NEDD9: variants seen among roughly 807,000 people sequenced by gnomAD.
The protein encoded by NEDD9 is neural precursor cell expressed, developmentally down-regulated 9.
In NEDD9, 26 loss-of-function variants were observed where a neutral mutation model predicts 76.6. The ratio of observed to expected loss-of-function variants is 0.34; its 90% confidence interval spans 0.25 to 0.47. The LOEUF is 0.47. Among genes scored for constraint, NEDD9 ranks in the 20% least tolerant of loss-of-function variants. The pLI is 1.00. For synonymous variants in NEDD9, 392 were observed against 414.2 expected (o/e 0.95, Z 0.65); for missense variants, 937 against 1,058.5 (o/e 0.89, Z 1.59).
chr6:11,194,317 A>G (rs571888328), intron 2 of NEDD9, among the ~76,000 whole-genome samples: 1 of 152,332 alleles, frequency 6.6e-6, no homozygotes, highest in African/African-American at 2.4e-5. Context: ...CTTGTGTGTA[A>G]CTTATGAAAG....
At chr6:11,363,728 A>G (rs187750013) in intron 1 of NEDD9, among the ~76,000 whole-genome samples, 1 of 152,308 alleles carries the variant, frequency 6.6e-6, no homozygotes, top group East Asian at 1.9e-4. Flanking sequence ...ATGTGAATAG[A>G]TGCATGAACC....
intron 3 of NEDD9, chr6:11,304,936 C>G: frequency 2.0e-6 from 1 of 500,410 alleles, no homozygotes; most frequent in East Asian, 6.9e-5. Flanking sequence ...GCACATGTAC[C>G]CTAGAACTTA....
intron 3 of NEDD9, among the ~76,000 whole-genome samples, chr6:11,248,105 T>A (rs1759844690): frequency 6.6e-6 from 1 of 151,946 alleles, no homozygotes; most frequent in Non-Finnish European, 1.5e-5. Context: ...TTTTGGGATA[T>A]AGAGCTGAAA....
chr6:11,321,989 T>A (rs2113474063), intron 2 of NEDD9, among the ~76,000 whole-genome samples: 1 of 152,292 alleles, frequency 6.6e-6, no homozygotes, highest in South Asian at 2.1e-4. Context: ...TGGAATACTA[T>A]GTAGCCGTAA....
chr6:11,255,021 A>G (rs1377760575), intron 3 of NEDD9, among the ~76,000 whole-genome samples: 3 of 152,252 alleles, frequency 2.0e-5, no homozygotes, highest in Non-Finnish European at 4.4e-5. Context: ...GAAGACTAGC[A>G]TGTCTACAGC....
rs1473015439 is a variant in NEDD9, at chr6:11,188,233, C to T, written c.1980G>A (p.Gln660=). The part of the protein sequence containing the change: ...KENIMKQNKM[Q]LEHHQLSQFQ... ...TTGAACTTACCTGATGATGTTCCAG[C>T]TGCATCTTGTTCTGTTTCATGATAT... The change falls in exon 6 of 7, where the codon CAG becomes CAA. Residue 660 remains glutamine, a synonymous_variant. Coordinates refer to ENST00000379446, the MANE Select transcript of NEDD9 (RefSeq NM_006403.4). 1.2e-5 allele frequency: 19 copies of T among 1,613,992 alleles called. No individual in the cohort carries two copies. The South Asian group carries it at 2.0e-4, about 17-fold the overall frequency.
intron 1 of NEDD9, among the ~76,000 whole-genome samples, chr6:11,232,055 C>T (rs1759483303): frequency 6.6e-6 from 1 of 152,134 alleles, no homozygotes; most frequent in Non-Finnish European, 1.5e-5. Flanking sequence ...ACGATTAAAG[C>T]AAAGTCTGGA....
rs115145612 is a variant in NEDD9 at position 11,334,935 on chromosome 6, G to T, written c.-213-374C>A. Among the ~76,000 whole-genome samples, 392 of 152,346 alleles carry T rather than the reference G, an allele frequency of 2.6e-3. 2 individuals are homozygous for T. Among genetic ancestry groups the T allele is most frequent in the African/African-American group, 8.9e-3 (370 of 41,580 alleles). ...AGAGGACGAGAGCCTTAAAGATGAGGAGTGTGGCGGCCAGCTGTTGGAAGT... is the reference window on the plus strand; with the variant it reads ...AGAGGACGAGAGCCTTAAAGATGAGTAGTGTGGCGGCCAGCTGTTGGAAGT... On this transcript the variant is annotated intron_variant, in intron 1 of 3. Coordinates refer to the NEDD9 transcript ENST00000397378.
chr6:11,371,992 T>G (rs1392810148), intron 1 of NEDD9, among the ~76,000 whole-genome samples: 1 of 152,208 alleles, frequency 6.6e-6, no homozygotes, highest in Non-Finnish European at 1.5e-5. Context: ...ACAATCCAAT[T>G]ACAATATTTT....
intron 1 of NEDD9, among the ~76,000 whole-genome samples, chr6:11,337,145 G>A (rs1762177809): frequency 6.6e-6 from 1 of 152,178 alleles, no homozygotes; most frequent in African/African-American, 2.4e-5. Flanking sequence ...TTGAACCCAG[G>A]AGGCGGAGGT....
chr6:11,295,798 A>T (rs1435006310), intron 3 of NEDD9, among the ~76,000 whole-genome samples: 1 of 152,164 alleles, frequency 6.6e-6, no homozygotes, highest in Non-Finnish European at 1.5e-5. Flanking sequence ...ACAAACTTCC[A>T]GCATGCCAAT....
rs74290121 is a variant in NEDD9, at chr6:11,338,621, G to C, written c.-213-4060C>G. On this transcript the variant is annotated intron_variant, in intron 1 of 3. Transcript: ENST00000397378. Reference sequence around the variant, plus strand: ...ATGGGAAAGGAATGGACGCATTCCAGCTCTTTTAAAAATTAAATTAGGCTG... The same window carrying C: ...ATGGGAAAGGAATGGACGCATTCCACCTCTTTTAAAAATTAAATTAGGCTG... Among the ~76,000 whole-genome samples, 939 of 152,228 alleles carry C rather than the reference G, an allele frequency of 6.2e-3. 35 individuals carry two copies. In the East Asian group the frequency reaches 0.12, roughly 20 times the overall value.
At chr6:11,206,119 T>C (rs991876642) in intron 2 of NEDD9, among the ~76,000 whole-genome samples, 1 of 152,196 alleles carries the variant, frequency 6.6e-6, no homozygotes, top group Admixed American at 6.5e-5. Context: ...AGTCTTTTTT[T>C]AAAGATTTGT....
At chr6:11,378,941 T>G (rs894455931) in intron 1 of NEDD9, among the ~76,000 whole-genome samples, 2 of 152,258 alleles carry the variant, frequency 1.3e-5, no homozygotes, top group African/African-American at 2.4e-5. Flanking sequence ...ACAATGGAGC[T>G]TGTGTTGTAC....
intron 6 of NEDD9, among the ~76,000 whole-genome samples, chr6:11,187,079 A>G (rs924183656): frequency 6.6e-6 from 1 of 152,198 alleles, no homozygotes; most frequent in African/African-American, 2.4e-5. Flanking sequence ...ATTATATTTT[A>G]TATATCTTAG....
chr6:11,291,565 C>T (rs1246696024), intron 3 of NEDD9, among the ~76,000 whole-genome samples: 3 of 152,150 alleles, frequency 2.0e-5, no homozygotes, highest in Admixed American at 6.5e-5. Flanking sequence ...TGAGCCACCG[C>T]GCCCGGCCAG....
intron 1 of NEDD9, among the ~76,000 whole-genome samples, chr6:11,217,577 C>G (rs1192740171): frequency 6.6e-6 from 1 of 152,144 alleles, no homozygotes; most frequent in African/African-American, 2.4e-5. Flanking sequence ...GGGCACAGAA[C>G]TTGAAAGCCA....
intron 1 of NEDD9, 41 bp downstream of exon 1, chr6:11,232,463 C>T (rs764674440): frequency 1.5e-5 from 25 of 1,613,472 alleles, no homozygotes; most frequent in Non-Finnish European, 1.7e-5. Flanking sequence ...GCAGGCACAG[C>T]TTTCAGCTTG....
At chr6:11,243,481 C>T (rs1398137231) in intron 3 of NEDD9, among the ~76,000 whole-genome samples, 2 of 152,226 alleles carry the variant, frequency 1.3e-5, no homozygotes, top group Non-Finnish European at 2.9e-5. Context: ...TGGTGCAGGT[C>T]TGCAGAACAC....
Sources: gnomAD v4.1 joint callset for allele counts (sites outside exome capture counted in the v4.1 genomes callset) on GRCh38, gnomAD v4.1.1 for gene constraint, MANE v1.5 for transcripts, NCBI Gene and HGNC (gene_info 2026-07-23, HGNC 2026-07-21) for gene names.